Variants in USP4 observed in about 807,000 individuals in gnomAD.
USP4 encodes the protein ubiquitin specific peptidase 4.
A neutral mutation model predicts 118.2 loss-of-function variants in USP4; 72 were observed. That is an observed-to-expected ratio of 0.61 (90% CI 0.50 to 0.74). The LOEUF is 0.74. Ranked by LOEUF, USP4 falls within the 30% of genes least tolerant of loss-of-function variation. The pLI, the probability that USP4 is intolerant of heterozygous loss-of-function variation, is 0.00. For synonymous variants in USP4, 415 were observed against 440.4 expected (o/e 0.94, Z 0.72); for missense variants, 1,037 against 1,185.7 (o/e 0.87, Z 1.84).
In USP4 at chr3:49,335,462, A is replaced by G. The variant is rs747150606; in HGVS notation, c.229+7T>C. On this transcript the variant is annotated splice_region_variant and intron_variant, in intron 2 of 21. Coordinates refer to ENST00000265560, the MANE Select transcript of USP4 (RefSeq NM_003363.4). ...ATGTTTAGCTAGAAAAGCAACATTT[A>G]CTATACCTGAAAATAGCCCAGAGTT... The G allele has an allele frequency of 3.7e-6, 6 of 1,614,092 alleles. No individual in the cohort carries two copies. Among genetic ancestry groups the G allele is most frequent in the Admixed American group, 1.7e-5 (1 of 59,984 alleles).
intron 8 of USP4, among the ~76,000 whole-genome samples, chr3:49,309,195 TATA>T (rs1391651307): frequency 6.6e-6 from 1 of 151,984 alleles, no homozygotes; most frequent in East Asian, 1.9e-4. Flanking sequence ...TCATCATGAG[TATA>T]ATAACTTTAA....
At chr3:49,302,676 T>A in intron 9 of USP4, 134 bp from the exon 10 acceptor site, 1 of 837,042 alleles carries the variant, frequency 1.2e-6, no homozygotes, top group Non-Finnish European at 1.8e-6. Context: ...AGTAGTCCAA[T>A]TAACTCCTGA....
chr3:49,311,429 T>C, intron 7 of USP4, 85 bp downstream of exon 7: 3 of 1,446,562 alleles, frequency 2.1e-6, no homozygotes, highest in Non-Finnish European at 2.9e-6. Context: ...CCCACTATGC[T>C]TAGTGGAGCA....
intron 2 of USP4, among the ~76,000 whole-genome samples, chr3:49,332,977 G>C (rs1396108210): frequency 6.6e-6 from 1 of 150,568 alleles, no homozygotes; most frequent in African/African-American, 2.4e-5. Context: ...AGGTTGTAGT[G>C]AGGTGTGATT....
chr3:49,295,714 G>GCA (rs1553624012), intron 13 of USP4, among the ~76,000 whole-genome samples: 9 of 148,414 alleles, frequency 6.1e-5, no homozygotes, highest in East Asian at 1.9e-4. Flanking sequence ...GCGCGCGCGC[G>GCA]CACACACACA....
Position 49,302,530 on chromosome 3 carries a change from G to T in USP4, c.1141C>A (p.Arg381Ser). The T allele has an allele frequency of 6.2e-7, 1 of 1,613,768 alleles. No individual in the cohort carries two copies. The highest frequency in any genetic ancestry group is 2.2e-5 in the East Asian group (1 of 44,874). The change falls in exon 10 of 22, where the codon CGT becomes AGT. Residue 381 changes from arginine (R) to serine (S), a missense_variant. This residue lies in a region of USP4 where 487 missense variants were observed against 534.1 expected (regional missense o/e 0.91). Coordinates refer to ENST00000265560, the MANE Select transcript of USP4 (RefSeq NM_003363.4). ...APRMFKTQVG[R>S]FAPQFSGYQQ... is the part of the protein sequence containing the mutation. ...TAGCCAGAAAATTGAGGAGCAAAAC[G>T]TCCTACTTGAGTCTACAACAAAAGC...
chr3:49,302,372 T>C lies in USP4; in HGVS notation c.1287+12A>G, dbSNP rs768104630. The C allele has an allele frequency of 6.2e-7, 1 of 1,612,900 alleles. No individual in the cohort carries two copies. The highest frequency in any genetic ancestry group is 8.5e-7 in the Non-Finnish European group (1 of 1,179,678). ...TTGGCATATTATCATTCAGACATCA[T>C]TAATGGCATACCGCATCTGGCCGCC... On this transcript the variant is annotated intron_variant, in intron 10 of 21. Transcript: ENST00000265560.
chr3:49,293,902 C>T (rs988490307), intron 14 of USP4, among the ~76,000 whole-genome samples: 3 of 151,912 alleles, frequency 2.0e-5, no homozygotes, highest in Admixed American at 6.6e-5. Context: ...CCTAGGATCA[C>T]GGTACCTAAG....
chr3:49,318,575 T>C, intron 6 of USP4: 2 of 985,398 alleles, frequency 2.0e-6, no homozygotes, highest in Non-Finnish European at 2.4e-6. Flanking sequence ...ATGCCCAGAA[T>C]TTACAAGGTG....
intron 11 of USP4, among the ~76,000 whole-genome samples, chr3:49,299,761 C>T (rs2047246388): frequency 1.3e-5 from 2 of 152,118 alleles, no homozygotes; most frequent in Non-Finnish European, 2.9e-5. Context: ...AGTGAGCCAT[C>T]AGCAGGGTAA....
chr3:49,317,941 G>T (rs9860285), intron 6 of USP4, among the ~76,000 whole-genome samples: 123,862 of 151,912 alleles, frequency 0.82, 51,030 homozygotes, highest in East Asian at 0.99. Context: ...GTTTAAGCGA[G>T]TCTCTTGCCT....
rs764773848 is a variant in USP4 at position 49,302,475 on chromosome 3, G to A, written c.1196C>T (p.Ala399Val). 1.9e-6 allele frequency: 3 copies of A among 1,614,128 alleles called. No individual in the cohort carries two copies. The Middle Eastern group carries it at 4.9e-4, about 266-fold the overall frequency. Reference protein sequence around the residue: ...YQQQDSQELLAFLLDGLHEDL... With the variant: ...YQQQDSQELLVFLLDGLHEDL... The stretch of plus-strand genomic sequence containing the variant: ...TTCATGCAATCCATCTAGAAGAAAG[G>A]CCAGCAGCTCCTGAGAATCTTGTTG... Residue 399 changes from alanine to valine, a missense_variant, in exon 10 of 22, where the codon GCC becomes GTC. Physicochemically the swap from Ala to Val is moderately conservative, Grantham distance 64 (BLOSUM62 0). Around this residue, in one of 3 missense-constraint regions of USP4, gnomAD observed 487 missense variants for 534.1 expected, o/e 0.91. Transcript: ENST00000265560.
intron 20 of USP4, among the ~76,000 whole-genome samples, chr3:49,280,222 C>G (rs1019820420): frequency 6.6e-6 from 1 of 151,202 alleles, no homozygotes; most frequent in Non-Finnish European, 1.5e-5. Context: ...CGAGACTGCG[C>G]CACTGCTTTC....
At chr3:49,312,098 C>T (rs567992823) in intron 6 of USP4, 7 of 199,744 alleles carry the variant, frequency 3.5e-5, no homozygotes, top group South Asian at 7.8e-5. Flanking sequence ...CCGAGGCAGA[C>T]GGATCACCTG....
At chr3:49,332,894 A>AG (rs1559481921) in intron 2 of USP4, among the ~76,000 whole-genome samples, 1 of 151,186 alleles carries the variant, frequency 6.6e-6, no homozygotes, top group Non-Finnish European at 1.5e-5. Flanking sequence ...TAATTAGTCG[A>AG]GTGTGGTGGG....
intron 7 of USP4, 26 bp from the exon 8 acceptor site, chr3:49,310,763 A>G (rs2047374508): frequency 6.3e-7 from 1 of 1,581,294 alleles, no homozygotes; most frequent in Non-Finnish European, 8.7e-7. Flanking sequence ...CACATCAGCA[A>G]TAAAAGCAAG....
intron 6 of USP4, chr3:49,318,275 A>G (rs1429912079): frequency 1.0e-6 from 1 of 975,374 alleles, no homozygotes. Flanking sequence ...CAGCTACAAT[A>G]AACTCTTAAC....
intron 7 of USP4, 116 bp downstream of exon 7, chr3:49,311,398 G>A (rs1283911636): frequency 1.8e-6 from 2 of 1,133,076 alleles, no homozygotes; most frequent in Non-Finnish European, 2.5e-6. Flanking sequence ...CATGTAGCAT[G>A]TTCCCATGAG....
intron 9 of USP4, 102 bp downstream of exon 9, chr3:49,305,613 C>A (rs1031760309): frequency 2.7e-6 from 3 of 1,104,534 alleles, no homozygotes; most frequent in Non-Finnish European, 3.7e-6. Flanking sequence ...AATGTAAATA[C>A]CATAAAAAAA....
Sources: gnomAD v4.1 joint callset for allele counts (sites outside exome capture counted in the v4.1 genomes callset) on GRCh38, gnomAD v4.1.1 for gene constraint, gnomAD v4.1.1 regional missense constraint, MANE v1.5 for transcripts, NCBI Gene and HGNC (gene_info 2026-07-23, HGNC 2026-07-21) for gene names.